Variants in TSPYL6 observed in about 807,000 individuals in gnomAD.
TSPYL6 encodes the protein TSPY like 6.
For missense variants in TSPYL6, 699 were observed against 531.5 expected (o/e 1.32, Z -3.10); for synonymous variants, 259 against 214.8 (o/e 1.21, Z -1.80).
Position 54,256,093 on chromosome 2 carries a change from G to A in TSPYL6, c.59C>T (p.Pro20Leu), listed in dbSNP as rs749908739. The change falls in exon 1 of 1, where the codon CCG (proline) becomes CTG (leucine). Residue 20 changes from proline (P) to leucine (L), a missense_variant. By Grantham distance (98) the Pro-to-Leu change is moderately conservative (BLOSUM62 -3). Coordinates refer to ENST00000317802, the MANE Select transcript of TSPYL6 (RefSeq NM_001003937.3). ...PATLDYALED[P>L]HQGQRSREKS... ...TTCTCGGGACCTCTGGCCCTGGTGC[G>A]GGTCTTCCAGAGCATAGTCGAGAGT... 6.2e-7 allele frequency: 1 copy of A among 1,614,120 alleles called. No individual in the cohort carries two copies. Among genetic ancestry groups the A allele is most frequent in the Admixed American group, 1.7e-5 (1 of 60,012 alleles).
At position 54,254,734 on chromosome 2, in the gene TSPYL6, T is replaced by G. The variant is rs1572998960; in HGVS notation, c.*185A>C. ...AATGCAGAATAGCAAGACGACCAGG[T>G]GAAAGGGGAGCAGCACAGCCACCAA... On this transcript the variant is annotated 3_prime_UTR_variant, in exon 1 of 1. Transcript: ENST00000317802. 6.7e-6 allele frequency: 4 copies of G among 592,780 alleles called. No individual in the cohort carries two copies. Among genetic ancestry groups the G allele is most frequent in the Middle Eastern group, 4.5e-4 (1 of 2,222 alleles). The allele number at this position is 592,780 out of a possible 1,614,324, so 36.7% of individuals were successfully genotyped here. A position where few individuals can be genotyped will look rare whatever the true frequency, so the allele number is the denominator to read the frequency against.
In TSPYL6 at chr2:54,256,135, C is replaced by A. The variant is rs61736715; in HGVS notation, c.17G>T (p.Ser6Ile). The A allele has an allele frequency of 0.089, 143,352 of 1,612,988 alleles. 6,907 individuals are homozygous for A. Among genetic ancestry groups the A allele is most frequent in the Middle Eastern group, 0.16 (952 of 6,054 alleles). MSLPE[S>I]PHSPATLDYA... ...GTCGAGAGTAGCGGGGCTGTGAGGA[C>A]TCTCCGGGAGGCTCATGTTGGTAGC... The change falls in exon 1 of 1, where the codon AGT (serine) becomes ATT (isoleucine). Residue 6 changes from serine (S) to isoleucine (I), a missense_variant. Physicochemically the swap from Ser to Ile is moderately radical, Grantham distance 142. Coordinates refer to ENST00000317802, the MANE Select transcript of TSPYL6 (RefSeq NM_001003937.3).
In TSPYL6 at chr2:54,255,110, A is replaced by C; in HGVS notation, c.1042T>G (p.Cys348Gly). 6.2e-7 allele frequency: 1 copy of C among 1,614,178 alleles called. No individual in the cohort carries two copies. Among genetic ancestry groups the C allele is most frequent in the Non-Finnish European group, 8.5e-7 (1 of 1,180,030 alleles). ...TCTGAAAACCAGGTGAAGAAGCTGC[A>C]GATGACATGTCGGTTCCTATGAATG... ...SFIHRNRHVICSFFTWFSDHS... is the reference protein window; with the variant it reads ...SFIHRNRHVIGSFFTWFSDHS... The change falls in exon 1 of 1, where the codon TGC becomes GGC. Residue 348 changes from cysteine to glycine, a missense_variant. Coordinates refer to ENST00000317802, the MANE Select transcript of TSPYL6 (RefSeq NM_001003937.3).
At position 54,255,148 on chromosome 2, in the gene TSPYL6, C is replaced by T; in HGVS notation, c.1004G>A (p.Gly335Glu). Reference sequence around the variant, plus strand: ...GTTCCTATGAATGAAGGACTGGGGTCCATGGCCCCGGCGCCACATGATTAG... The same window carrying T: ...GTTCCTATGAATGAAGGACTGGGGTTCATGGCCCCGGCGCCACATGATTAG... ...STLIMWRRGHGPQSFIHRNRH... is the reference protein window; with the variant it reads ...STLIMWRRGHEPQSFIHRNRH... The change falls in exon 1 of 1, where the codon GGA (glycine) becomes GAA (glutamate). Residue 335 changes from glycine to glutamate, a missense_variant. By Grantham distance (98) the Gly-to-Glu change is moderately conservative. Coordinates refer to ENST00000317802, the MANE Select transcript of TSPYL6 (RefSeq NM_001003937.3). 2 of 1,614,128 alleles carry T rather than the reference C, an allele frequency of 1.2e-6. No homozygotes were observed. The highest frequency in any genetic ancestry group is 2.2e-5 in the South Asian group (2 of 91,080).
In TSPYL6 at chr2:54,254,742, G is replaced by A; in HGVS notation, c.*177C>T. ...ATAGCAAGACGACCAGGTGAAAGGGGAGCAGCACAGCCACCAAGGTCTCAA... is the reference window on the plus strand; with the variant it reads ...ATAGCAAGACGACCAGGTGAAAGGGAAGCAGCACAGCCACCAAGGTCTCAA... On this transcript the variant is annotated 3_prime_UTR_variant, in exon 1 of 1. Transcript: ENST00000317802. 1 of 613,708 alleles carries A rather than the reference G, an allele frequency of 1.6e-6. No homozygotes were observed. Among genetic ancestry groups the A allele is most frequent in the Non-Finnish European group, 2.8e-6 (1 of 355,710 alleles). The allele number at this position is 613,708 out of a possible 1,614,324, so 38.0% of individuals were successfully genotyped here. A position where few individuals can be genotyped will look rare whatever the true frequency, so the allele number is the denominator to read the frequency against.
At position 54,255,165 on chromosome 2, in the gene TSPYL6, C is replaced by T; in HGVS notation, c.987G>A (p.Met329Ile). The T allele has an allele frequency of 6.2e-7, 1 of 1,614,174 alleles. No homozygotes were observed. Among genetic ancestry groups the T allele is most frequent in the Non-Finnish European group, 8.5e-7 (1 of 1,180,034 alleles). The change falls in exon 1 of 1, where the codon ATG becomes ATA. Residue 329 changes from methionine (M) to isoleucine (I), a missense_variant. By Grantham distance (10) the Met-to-Ile change is conservative. Coordinates refer to ENST00000317802, the MANE Select transcript of TSPYL6 (RefSeq NM_001003937.3). ...GQVVSFSTLI[M>I]WRRGHGPQSF... The stretch of plus-strand genomic sequence containing the variant: ...ACTGGGGTCCATGGCCCCGGCGCCA[C>T]ATGATTAGAGTGGAAAAAGACACCA...
In TSPYL6 at chr2:54,255,065, C is replaced by A; in HGVS notation, c.1087G>T (p.Asp363Tyr). The A allele has an allele frequency of 6.2e-7, 1 of 1,614,126 alleles. No homozygotes were observed. The highest frequency in any genetic ancestry group is 8.5e-7 in the Non-Finnish European group (1 of 1,180,032). ...TCTTTAATAATCTGAGCAATCCTGT[C>A]GGACTCTGGAAGGCTGTGGTCTGAA... ...WFSDHSLPESDRIAQIIKEDL... is the reference protein window; with the variant it reads ...WFSDHSLPESYRIAQIIKEDL... The change falls in exon 1 of 1, where the codon GAC (aspartate) becomes TAC (tyrosine). Residue 363 changes from aspartate (D) to tyrosine (Y), a missense_variant. Physicochemically the swap from Asp to Tyr is radical, Grantham distance 160. Coordinates refer to ENST00000317802, the MANE Select transcript of TSPYL6 (RefSeq NM_001003937.3).
Position 54,254,897 on chromosome 2 carries a change from G to A in TSPYL6, c.*22C>T. ...TGGTGGTGGCAGGCAACCTTCTGCA[G>A]GAGTAATTCCAAAGGCAAAGGTTAA... On this transcript the variant is annotated 3_prime_UTR_variant, in exon 1 of 1. Transcript: ENST00000317802. 1.9e-6 allele frequency: 3 copies of A among 1,597,006 alleles called. No individual in the cohort carries two copies. Among genetic ancestry groups the A allele is most frequent in the African/African-American group, 1.3e-5 (1 of 74,342 alleles).
At position 54,255,469 on chromosome 2, in the gene TSPYL6, C is replaced by G; in HGVS notation, c.683G>C (p.Arg228Pro). Residue 228 changes from arginine to proline, a missense_variant, in exon 1 of 1, where the codon CGC becomes CCC. Physicochemically the swap from Arg to Pro is moderately radical, Grantham distance 103. Transcript: ENST00000317802. ...GTATTCATGAATCTGCCCAAACCTGCGCTCCACCTGCAGGAGCGCCCTGTC... is the reference window on the plus strand; with the variant it reads ...GTATTCATGAATCTGCCCAAACCTGGGCTCCACCTGCAGGAGCGCCCTGTC... Reference protein sequence around the residue: ...EADRALLQVERRFGQIHEYYL... With the variant: ...EADRALLQVEPRFGQIHEYYL... The G allele has an allele frequency of 6.2e-7, 1 of 1,614,054 alleles. No homozygotes were observed. The highest frequency in any genetic ancestry group is 8.5e-7 in the Non-Finnish European group (1 of 1,180,022).
chr2:54,255,767 G>A lies in TSPYL6; in HGVS notation c.385C>T (p.Leu129=). The change falls in exon 1 of 1, where the codon CTA becomes TTA. Residue 129 remains leucine, a synonymous_variant. Transcript: ENST00000317802. Reference sequence around the variant, plus strand: ...GACCTCCCTGCCCCACAGGTTTCTAGAGCCTTCTCCCCACCTAGGCCGTGC... The same window carrying A: ...GACCTCCCTGCCCCACAGGTTTCTAAAGCCTTCTCCCCACCTAGGCCGTGC... The part of the protein sequence containing the change: ...ETHGLGGEKA[L]ETCGAGRSES... 1 of 1,613,822 alleles carries A rather than the reference G, an allele frequency of 6.2e-7. No individual in the cohort carries two copies. The highest frequency in any genetic ancestry group is 8.5e-7 in the Non-Finnish European group (1 of 1,180,014).
chr2:54,254,583 A>G lies in TSPYL6; in HGVS notation c.*336T>C, dbSNP rs1572998673. On this transcript the variant is annotated 3_prime_UTR_variant, in exon 1 of 1. Transcript: ENST00000317802. ...CTTAGACACAGCTAGAAATCCAAGT[A>G]GGAGGAGCCAGACCAGAGGTCCTGG... 8.3e-6 allele frequency: 2 copies of G among 240,832 alleles called. No individual in the cohort carries two copies. The highest frequency in any genetic ancestry group is 1.9e-4 in the East Asian group (2 of 10,734). The allele number at this position is 240,832 out of a possible 1,614,324, so 14.9% of individuals were successfully genotyped here.
rs912861877 is a variant in TSPYL6, at chr2:54,256,028, C to T, written c.124G>A (p.Gly42Ser). Residue 42 changes from glycine (G) to serine (S), a missense_variant, in exon 1 of 1, where the codon GGC (glycine) becomes AGC (serine). Coordinates refer to ENST00000317802, the MANE Select transcript of TSPYL6 (RefSeq NM_001003937.3). ...ATEVMADMFD[G>S]RLEPIVFPPP... ...GGGAACACGATTGGCTCCAAGCGGC[C>T]ATCAAACATATCTGCCATTACCTCT... 1 of 1,614,024 alleles carries T rather than the reference C, an allele frequency of 6.2e-7. No homozygotes were observed. Among genetic ancestry groups the T allele is most frequent in the African/African-American group, 1.3e-5 (1 of 74,924 alleles).
rs1042882931 is a variant in TSPYL6 at position 54,255,712 on chromosome 2, G to A, written c.440C>T (p.Ala147Val). The A allele has an allele frequency of 2.5e-6, 4 of 1,613,824 alleles. No homozygotes were observed. Among genetic ancestry groups the A allele is most frequent in the South Asian group, 1.1e-5 (1 of 91,074 alleles). ...SESEVIAEGK[A>V]EDVKPEECAM... ...ACACTCCTCAGGCTTCACGTCCTCG[G>A]CCTTCCCCTCTGCAATCACTTCAGA... The change falls in exon 1 of 1, where the codon GCC (alanine) becomes GTC (valine). Residue 147 changes from alanine (A) to valine (V), a missense_variant. By Grantham distance (64) the Ala-to-Val change is moderately conservative (BLOSUM62 0). Transcript: ENST00000317802.
chr2:54,254,961 C>T lies in TSPYL6; in HGVS notation c.1191G>A (p.Glu397=). The T allele has an allele frequency of 6.2e-7, 1 of 1,613,722 alleles. No homozygotes were observed. Among genetic ancestry groups the T allele is most frequent in the Non-Finnish European group, 8.5e-7 (1 of 1,179,904 alleles). The change falls in exon 1 of 1, where the codon GAG becomes GAA. Residue 397 remains glutamate (E), a synonymous_variant. Coordinates refer to ENST00000317802, the MANE Select transcript of TSPYL6 (RefSeq NM_001003937.3). ...CAAAGGGCCTGGGGATCTCCACTGG[C>T]TCCCTTACCAGGCGACGTCTAGCTC... is the stretch of plus-strand genomic sequence containing the variant. ...AHRARRRLVR[E]PVEIPRPFGF...
chr2:54,255,474 C>CACCTGCAGGAGCGCCCT, the TSPYL6 span: 1 of 1,614,074 alleles, frequency 6.2e-7, no homozygotes, highest in South Asian at 1.1e-5. Flanking sequence ...ACCTGCGCTC[C>CACCTGCAGGAGCGCCCT]ACCTGCAGGA....
Position 54,256,024 on chromosome 2 carries a change from C to G in TSPYL6, c.128G>C (p.Arg43Pro), listed in dbSNP as rs537805712. The change falls in exon 1 of 1, where the codon CGC (arginine) becomes CCC (proline). Residue 43 changes from arginine to proline, a missense_variant. Coordinates refer to ENST00000317802, the MANE Select transcript of TSPYL6 (RefSeq NM_001003937.3). ...CGGTGGGAACACGATTGGCTCCAAG[C>G]GGCCATCAAACATATCTGCCATTAC... Reference protein sequence around the residue: ...TEVMADMFDGRLEPIVFPPPR... With the variant: ...TEVMADMFDGPLEPIVFPPPR... 1 of 1,614,036 alleles carries G rather than the reference C, an allele frequency of 6.2e-7. No individual in the cohort carries two copies. Among genetic ancestry groups the G allele is most frequent in the African/African-American group, 1.3e-5 (1 of 74,916 alleles).
At position 54,254,470 on chromosome 2, in the gene TSPYL6, T is replaced by G; in HGVS notation, c.*449A>C. ...CACAGACCAACTTGCCCCCTGCTGT[T>G]CTCCCTTGACTTCATTAATGCCCAG... is the stretch of plus-strand genomic sequence containing the variant. On this transcript the variant is annotated 3_prime_UTR_variant, in exon 1 of 1. Transcript: ENST00000317802. The G allele has an allele frequency of 6.4e-6, 1 of 157,456 alleles. No individual in the cohort carries two copies. The highest frequency in any genetic ancestry group is 1.4e-5 in the Non-Finnish European group (1 of 71,594). 9.8% of individuals were successfully genotyped at this position (157,456 alleles called of 1,614,324 possible). A position where few individuals can be genotyped will look rare whatever the true frequency, so the allele number is the denominator to read the frequency against.
rs1228674358 is a variant in TSPYL6 at position 54,256,043 on chromosome 2, C to T, written c.109G>A (p.Ala37Thr). 6.2e-7 allele frequency: 1 copy of T among 1,614,188 alleles called. No individual in the cohort carries two copies. The highest frequency in any genetic ancestry group is 8.5e-7 in the Non-Finnish European group (1 of 1,180,036). Reference sequence around the variant, plus strand: ...TCCAAGCGGCCATCAAACATATCTGCCATTACCTCTGTCGCCTTGCTCTTT... The same window carrying T: ...TCCAAGCGGCCATCAAACATATCTGTCATTACCTCTGTCGCCTTGCTCTTT... ...REKSKATEVM[A>T]DMFDGRLEPI... is the part of the protein sequence containing the mutation. The change falls in exon 1 of 1, where the codon GCA becomes ACA. Residue 37 changes from alanine to threonine, a missense_variant. Transcript: ENST00000317802.
At position 54,253,556 on chromosome 2, in the gene TSPYL6, A is replaced by G. The variant is rs991772231; in HGVS notation, c.*1363T>C. The G allele has an allele frequency of 4.6e-5, 7 of 152,188 alleles. No individual in the cohort carries two copies. The highest frequency in any genetic ancestry group is 1.7e-4 in the African/African-American group (7 of 41,440). 9.4% of individuals were successfully genotyped at this position (152,188 alleles called of 1,614,324 possible). A position where few individuals can be genotyped will look rare whatever the true frequency, so the allele number is the denominator to read the frequency against. ...TCTAGGGAACATATTTAACACTCCA[A>G]CCATCTTCTATTCTTCTACGTGCAT... is the stretch of plus-strand genomic sequence containing the variant. On this transcript the variant is annotated 3_prime_UTR_variant, in exon 1 of 1. Coordinates refer to ENST00000317802, the MANE Select transcript of TSPYL6 (RefSeq NM_001003937.3).
Sources: allele counts gnomAD v4.1 joint callset, GRCh38; gene constraint gnomAD v4.1.1; transcripts MANE v1.5; gene names NCBI Gene and HGNC (gene_info 2026-07-23, HGNC 2026-07-21).